Variants in HSP90B1 observed in about 807,000 individuals in gnomAD.
HSP90B1 encodes heat shock protein 90 beta family member 1.
HSP90B1 carries 27 observed loss-of-function variants against 100.4 expected under a neutral mutation model. That is an observed-to-expected ratio of 0.27 (90% CI 0.20 to 0.37). The LOEUF (loss-of-function observed/expected upper bound fraction) is 0.37, where lower values mean the gene tolerates loss of function less well. Ranked by LOEUF, HSP90B1 falls within the 10% of genes least tolerant of loss-of-function variation. The probability of loss-of-function intolerance (pLI) is 1.00; values close to 1 mark genes in which losing one functional copy is unlikely to be tolerated. For synonymous variants in HSP90B1, 304 were observed against 330.8 expected (o/e 0.92, Z 0.88); for missense variants, 678 against 960.5 (o/e 0.71, Z 3.89).
At chr12:103,946,512 T>C (rs1298776218) in intron 14 of HSP90B1, 106 bp from the exon 15 acceptor site, 1 of 794,800 alleles carries the variant, frequency 1.3e-6, no homozygotes, top group Non-Finnish European at 2.0e-6. Context: ...TTTTGATTTT[T>C]TTTTTTTACC....
At chr12:103,934,339 A>G (rs1054459563) in intron 5 of HSP90B1, 52 bp downstream of exon 5, 4 of 1,377,724 alleles carry the variant, frequency 2.9e-6, no homozygotes, top group Non-Finnish European at 4.1e-6. Context: ...GAGGATCTTG[A>G]CTCTCCAGTT....
Position 103,943,362 on chromosome 12 carries a change from T to C in HSP90B1, c.1890+43T>C. 2 of 1,581,842 alleles carry C rather than the reference T, an allele frequency of 1.3e-6. No homozygotes were observed. Among genetic ancestry groups the C allele is most frequent in the Non-Finnish European group, 1.7e-6 (2 of 1,154,002 alleles). ...AATTGTGGAAATATTAGTATCAGCA[T>C]TTAAGAGAAAGTTATTTTGTGAACA... On this transcript the variant is annotated intron_variant, in intron 13 of 17. Coordinates refer to ENST00000299767, the MANE Select transcript of HSP90B1 (RefSeq NM_003299.3). The surrounding 1 kb of genome is among the most constrained non-coding windows in gnomAD (Gnocchi z 5.3).
chr12:103,932,652 T>C (rs910291115), intron 3 of HSP90B1, among the ~76,000 whole-genome samples, 174 bp from the exon 4 acceptor site: 1 of 152,252 alleles, frequency 6.6e-6, no homozygotes, highest in Non-Finnish European at 1.5e-5. Context: ...GTTGTGAGTC[T>C]AAGGGCAGTC....
chr12:103,931,561 A>T lies in HSP90B1; in HGVS notation c.90A>T (p.Thr30=). 1 of 1,613,870 alleles carries T rather than the reference A, an allele frequency of 6.2e-7. No homozygotes were observed. The highest frequency in any genetic ancestry group is 1.1e-5 in the South Asian group (1 of 91,064). Reference sequence around the variant, plus strand: ...ACGATGAAGTTGATGTGGATGGTACAGTAGAAGAGGATCTGGGTAAAAGTA... The same window carrying T: ...ACGATGAAGTTGATGTGGATGGTACTGTAGAAGAGGATCTGGGTAAAAGTA... ...RADDEVDVDG[T]VEEDLGKSRE... The change falls in exon 2 of 18, where the codon ACA becomes ACT. Residue 30 remains threonine (T), a synonymous_variant. Transcript: ENST00000299767.
At position 103,939,494 on chromosome 12, in the gene HSP90B1, C is replaced by G. The variant is rs549952668; in HGVS notation, c.976-15C>G. The G allele has an allele frequency of 2.3e-5, 28 of 1,229,814 alleles. 2 individuals are homozygous for G. The South Asian group carries it at 3.8e-4, about 17-fold the overall frequency. 76.2% of individuals were successfully genotyped at this position (1,229,814 alleles called of 1,614,324 possible). ...AGTGCTGAGAGAGACTAATCAAATACTATAATAACTTCAGGTTGAAAAAAC... is the reference window on the plus strand; with the variant it reads ...AGTGCTGAGAGAGACTAATCAAATAGTATAATAACTTCAGGTTGAAAAAAC... On this transcript the variant is annotated splice_polypyrimidine_tract_variant and intron_variant, in intron 7 of 17. Transcript: ENST00000299767.
intron 11 of HSP90B1, 51 bp from the exon 12 acceptor site, chr12:103,942,476 C>T (rs1870106912): frequency 8.9e-6 from 14 of 1,565,340 alleles, no homozygotes; most frequent in Non-Finnish European, 1.2e-5. Context: ...CTTACATTCT[C>T]AAAAGTTGGA....
chr12:103,931,455 T>G, intron 1 of HSP90B1, 66 bp from the exon 2 acceptor site: 1 of 1,275,328 alleles, frequency 7.8e-7, no homozygotes, highest in Non-Finnish European at 1.1e-6. Context: ...CCCCTACCCT[T>G]CCCTATTTGA....
intron 7 of HSP90B1, among the ~76,000 whole-genome samples, chr12:103,939,196 C>T (rs553602431): frequency 2.5e-4 from 38 of 151,892 alleles, no homozygotes; most frequent in African/African-American, 8.5e-4. Flanking sequence ...AACTCCTAGG[C>T]TTAAGCAGTC....
At chr12:103,932,229 A>T in intron 2 of HSP90B1, 48 bp from the exon 3 acceptor site, 1 of 1,507,608 alleles carries the variant, frequency 6.6e-7, no homozygotes, top group Non-Finnish European at 9.0e-7. Flanking sequence ...TCTAGTTTTG[A>T]AGGGAACTAT....
chr12:103,946,598 T>C lies in HSP90B1; in HGVS notation c.2028-20T>C. On this transcript the variant is annotated intron_variant, in intron 14 of 17. Transcript: ENST00000299767. ...AAAATTGGATATGTTTTGTTAATGTTCATTTTTATCTCTTAACAGTTACTA... is the reference window on the plus strand; with the variant it reads ...AAAATTGGATATGTTTTGTTAATGTCCATTTTTATCTCTTAACAGTTACTA... The C allele has an allele frequency of 6.4e-7, 1 of 1,571,796 alleles. No individual in the cohort carries two copies.
chr12:103,933,853 C>G, intron 4 of HSP90B1, 103 bp from the exon 5 acceptor site: 1 of 832,206 alleles, frequency 1.2e-6, no homozygotes, highest in Non-Finnish European at 1.9e-6. Context: ...GTTTAGTTTT[C>G]TGTATTGGAA....
Position 103,943,341 on chromosome 12 carries a change from G to A in HSP90B1, c.1890+22G>A. ...CAAGGTACTGTGGAAATTACAAATT[G>A]TGGAAATATTAGTATCAGCATTTAA... On this transcript the variant is annotated intron_variant, in intron 13 of 17. Coordinates refer to ENST00000299767, the MANE Select transcript of HSP90B1 (RefSeq NM_003299.3). The surrounding 1 kb of genome is among the most constrained non-coding windows in gnomAD (Gnocchi z 5.3). 1.2e-6 allele frequency: 2 copies of A among 1,608,378 alleles called. No individual in the cohort carries two copies. Among genetic ancestry groups the A allele is most frequent in the East Asian group, 2.2e-5 (1 of 44,844 alleles).
rs1870115438 is a variant in HSP90B1, at chr12:103,942,770, T to C, written c.1618T>C (p.Phe540Leu). 3 of 1,613,758 alleles carry C rather than the reference T, an allele frequency of 1.9e-6. No homozygotes were observed. Among genetic ancestry groups the C allele is most frequent in the Admixed American group, 1.7e-5 (1 of 59,998 alleles). The change falls in exon 12 of 18, where the codon TTC (phenylalanine) becomes CTC (leucine). Residue 540 changes from phenylalanine to leucine, a missense_variant. Around this residue, in one of 8 missense-constraint regions of HSP90B1, gnomAD observed 170 missense variants for 236.7 expected, o/e 0.72. Coordinates refer to ENST00000299767, the MANE Select transcript of HSP90B1 (RefSeq NM_003299.3). ...GAAGGAAAAACAAGACAAAATCTACTTCATGGCTGGGTCCAGCAGAAAAGA... is the reference window on the plus strand; with the variant it reads ...GAAGGAAAAACAAGACAAAATCTACCTCATGGCTGGGTCCAGCAGAAAAGA... The part of the protein sequence containing the change: ...RMKEKQDKIY[F>L]MAGSSRKEAE...
Position 103,944,632 on chromosome 12 carries a change from C to T in HSP90B1, c.2027+758C>T, listed in dbSNP as rs1324084406. Among the ~76,000 whole-genome samples, 4 of 151,902 alleles carry T rather than the reference C, an allele frequency of 2.6e-5. No homozygotes were observed. In the East Asian group the frequency reaches 7.8e-4, roughly 30 times the overall value. The stretch of plus-strand genomic sequence containing the variant: ...AGTACAGTGGCGCAATCTCTGCTCA[C>T]TGCAACCTCCGCCTCCTGGGTTCAA... On this transcript the variant is annotated intron_variant, in intron 14 of 17. Transcript: ENST00000299767.
intron 11 of HSP90B1, among the ~76,000 whole-genome samples, chr12:103,942,217 C>T (rs1202062183): frequency 1.3e-5 from 2 of 152,204 alleles, no homozygotes; most frequent in Non-Finnish European, 2.9e-5. Context: ...AATTAGAAGA[C>T]TCTTTAGTTT....
intron 5 of HSP90B1, among the ~76,000 whole-genome samples, chr12:103,935,651 C>T (rs1210786937): frequency 1.3e-5 from 2 of 152,286 alleles, no homozygotes; most frequent in South Asian, 4.1e-4. Context: ...CCTTCCCCTG[C>T]CTTCGTCACT....
chr12:103,942,471 A>G, intron 11 of HSP90B1, 56 bp from the exon 12 acceptor site: 2 of 1,540,016 alleles, frequency 1.3e-6, no homozygotes, highest in Non-Finnish European at 1.8e-6. Flanking sequence ...GGTACCTTAC[A>G]TTCTCAAAAG....
chr12:103,938,465 T>G lies in HSP90B1; in HGVS notation c.975+6T>G. 6.2e-7 allele frequency: 1 copy of G among 1,609,116 alleles called. No individual in the cohort carries two copies. Among genetic ancestry groups the G allele is most frequent in the South Asian group, 1.1e-5 (1 of 90,112 alleles). ...AGAAACCAAAGACTAAAAAAGTAAG[T>G]CTGGTTTATCTCCCTGCATAAGATA... On this transcript the variant is annotated splice_donor_region_variant and intron_variant, in intron 7 of 17. Coordinates refer to ENST00000299767, the MANE Select transcript of HSP90B1 (RefSeq NM_003299.3).
At chr12:103,938,580 A>G in intron 7 of HSP90B1, 121 bp downstream of exon 7, 3 of 1,096,898 alleles carry the variant, frequency 2.7e-6, no homozygotes, top group Non-Finnish European at 3.9e-6. Context: ...AAGTCCATGG[A>G]GCCAGCTTTT....
Sources: allele counts gnomAD v4.1 joint callset (sites outside exome capture counted in the v4.1 genomes callset), GRCh38; gene constraint gnomAD v4.1.1; regional missense constraint gnomAD v4.1.1; non-coding constraint Gnocchi (gnomAD v3.1); transcripts MANE v1.5; gene names NCBI Gene and HGNC (gene_info 2026-07-23, HGNC 2026-07-21).